NBPF11: variants seen among roughly 807,000 people sequenced by gnomAD.
NBPF11 encodes NBPF member 11, also known as NBPF family member NBPF11.
Under a neutral mutation model 93.9 loss-of-function variants are expected in NBPF11, and 72 were observed. The ratio of observed to expected loss-of-function variants is 0.77; its 90% CI spans 0.63 to 0.93. The LOEUF (loss-of-function observed/expected upper bound fraction) is 0.93, where lower values mean the gene tolerates loss of function less well. NBPF11 is among the 40% of genes least tolerant of loss of function. NBPF11 has a pLI of 0.00. For missense variants in NBPF11, 705 were observed against 802.2 expected, an observed-to-expected ratio of 0.88 and a Z score of 1.46; for synonymous variants, 224 against 304.9, an observed-to-expected ratio of 0.73 and a Z score of 2.76.
At chr1:148,105,566 A>G (rs1663351386) in intron 21 of NBPF11, 38 bp from the exon 22 acceptor site, 1 of 721,532 alleles carries the variant, frequency 1.4e-6, no homozygotes, top group Non-Finnish European at 2.5e-6. Flanking sequence ...AAGCCAGGGG[A>G]AATCACACAC....
At chr1:148,104,343 G>T (rs1333729143) in intron 23 of NBPF11, among the ~76,000 whole-genome samples, 194 bp downstream of exon 23, 1 of 146,406 alleles carries the variant, frequency 6.8e-6, no homozygotes, top group African/African-American at 2.7e-5. Flanking sequence ...GTCCACCTAT[G>T]GTACGTTAGT....
At chr1:148,136,517 G>A (rs1326746261) in intron 3 of NBPF11, among the ~76,000 whole-genome samples, 1 of 150,704 alleles carries the variant, frequency 6.6e-6, no homozygotes, top group African/African-American at 2.5e-5. Flanking sequence ...AAAACAGTGT[G>A]AGAAAAATGA....
intron 18 of NBPF11, among the ~76,000 whole-genome samples, chr1:148,108,057 C>T (rs1259900738): frequency 9.3e-5 from 14 of 149,804 alleles, no homozygotes; most frequent in African/African-American, 3.0e-4. Flanking sequence ...AGCAAATGCC[C>T]CCAAATGGTT....
chr1:148,146,686 C>T (rs1673161883), intron 1 of NBPF11: 13 of 1,611,740 alleles, frequency 8.1e-6, no homozygotes, highest in South Asian at 7.7e-5. Flanking sequence ...CCGCGGCAAC[C>T]GTGTCTCCTG....
chr1:148,124,277 C>T (rs1351476055), intron 6 of NBPF11, among the ~76,000 whole-genome samples: 17 of 151,806 alleles, frequency 1.1e-4, no homozygotes, highest in South Asian at 2.1e-4. Flanking sequence ...GCAAGATCCT[C>T]GATGATGTTC....
Position 148,105,627 on chromosome 1 carries a change from A to G in NBPF11, c.2304-99T>C. ...GGTAGCATAAGGAAGTGGTTAAAAA[A>G]GTAAAAGGATAGATCTATTAATGAG... On this transcript the variant is annotated intron_variant, in intron 21 of 23. Transcript: ENST00000682118. The G allele has an allele frequency of 2.9e-6, 2 of 697,508 alleles. 1 individual carries two copies. The highest frequency in any genetic ancestry group is 2.9e-5 in the South Asian group (2 of 68,658). 43.2% of individuals were successfully genotyped at this position (697,508 alleles called of 1,614,324 possible). A position where few individuals can be genotyped will look rare whatever the true frequency, so the allele number is the denominator to read the frequency against.
At chr1:148,137,955 CG>C (rs1671595079) in intron 2 of NBPF11, 146 bp from the exon 3 acceptor site, 2 of 146,148 alleles carry the variant, frequency 1.4e-5, no homozygotes, top group Admixed American at 1.4e-4. Flanking sequence ...AGGGGACTGG[CG>C]TTCAGCATAC....
chr1:148,142,315 A>G (rs1672325212), intron 2 of NBPF11, among the ~76,000 whole-genome samples: 1 of 151,990 alleles, frequency 6.6e-6, no homozygotes, highest in Admixed American at 6.5e-5. Context: ...TACTGTTTCC[A>G]TGGGGTACAA....
intron 4 of NBPF11, among the ~76,000 whole-genome samples, chr1:148,131,037 C>T (rs1253834443): frequency 1.3e-4 from 20 of 151,446 alleles, no homozygotes; most frequent in African/African-American, 3.9e-4. Flanking sequence ...TATCATTCCA[C>T]GTTTGGGCTA....
chr1:148,146,448 C>T lies in NBPF11; in HGVS notation c.-548-2762G>A, dbSNP rs1340039799. The T allele has an allele frequency of 1.7e-5, 28 of 1,604,288 alleles. 1 individual carries two copies. Among genetic ancestry groups the T allele is most frequent in the Middle Eastern group, 2.2e-4 (1 of 4,452 alleles). ...GCTGCCTCTTCTGCTGCCCTCCCTG[C>T]CCCGGCCGCATCGCTGCCAAGCTCG... On this transcript the variant is annotated intron_variant, in intron 1 of 23. Coordinates refer to ENST00000682118, the MANE Select transcript of NBPF11 (RefSeq NM_001385469.3).
intron 1 of NBPF11, among the ~76,000 whole-genome samples, chr1:148,145,852 C>T (rs1672910773): frequency 6.6e-6 from 1 of 151,266 alleles, no homozygotes; most frequent in Non-Finnish European, 1.5e-5. Flanking sequence ...TGCACTCCAG[C>T]CTGGGCAACA....
chr1:148,125,990 GATTT>G (rs1669019798), intron 5 of NBPF11, among the ~76,000 whole-genome samples: 2 of 151,830 alleles, frequency 1.3e-5, no homozygotes, highest in Non-Finnish European at 2.9e-5. Context: ...TTTTATTTTT[GATTT>G]ATTTATCTTT....
At chr1:148,147,071 C>T (rs1223376342) in intron 1 of NBPF11, 11 of 850,018 alleles carry the variant, frequency 1.3e-5, no homozygotes, top group South Asian at 3.5e-5. Flanking sequence ...GCCGGACAGG[C>T]GAGCTTGGGT....
chr1:148,118,632 G>C lies in NBPF11; in HGVS notation c.1079C>G (p.Ala360Gly). 6.2e-7 allele frequency: 1 copy of C among 1,612,552 alleles called. No individual in the cohort carries two copies. The highest frequency in any genetic ancestry group is 8.5e-7 in the Non-Finnish European group (1 of 1,179,734). ...GGGGTCCCCTCACCTGAGCTCCTCA[G>C]CTTGCTTCAGCTGCTCTGCAAGCTT... ...EEKLAEQLKQ[A>G]EELRQYKVLV... The change falls in exon 11 of 24, where the codon GCT becomes GGT. Residue 360 changes from alanine (A) to glycine (G), a missense_variant. Physicochemically the swap from Ala to Gly is moderately conservative, Grantham distance 60. Around this residue, in one of 12 missense-constraint regions of NBPF11, gnomAD observed 262 missense variants for 223.1 expected, o/e 1.17. Transcript: ENST00000682118.
At chr1:148,127,138 T>A in intron 4 of NBPF11, 100 bp from the exon 5 acceptor site, 1 of 434,472 alleles carries the variant, frequency 2.3e-6, no homozygotes, top group Non-Finnish European at 3.9e-6. Context: ...ATTCTTAACT[T>A]ACTGTTGTGA....
chr1:148,117,245 C>T (rs1298414698), intron 12 of NBPF11, among the ~76,000 whole-genome samples: 2 of 149,798 alleles, frequency 1.3e-5, no homozygotes, highest in South Asian at 2.1e-4. Flanking sequence ...AGCCTGGGAA[C>T]CTTCATTCTT....
chr1:148,151,403 A>G (rs1349048884), intron 1 of NBPF11, among the ~76,000 whole-genome samples: 2 of 151,954 alleles, frequency 1.3e-5, no homozygotes, highest in African/African-American at 4.8e-5. Flanking sequence ...CCCAGAAAGA[A>G]CGGCCTCGAG....
intron 1 of NBPF11, among the ~76,000 whole-genome samples, chr1:148,146,026 C>A (rs1553276749): frequency 6.6e-6 from 1 of 152,072 alleles, no homozygotes; most frequent in East Asian, 1.9e-4. Context: ...TACAAATCAA[C>A]AGAAAAGCAT....
intron 7 of NBPF11, 134 bp downstream of exon 7, chr1:148,123,719 C>T (rs1358866539): frequency 1.3e-6 from 2 of 1,587,830 alleles, no homozygotes; most frequent in East Asian, 2.2e-5. Context: ...CTCAGGAAGT[C>T]CTGATCATGT....
Sources: allele counts gnomAD v4.1 joint callset (sites outside exome capture counted in the v4.1 genomes callset), GRCh38; gene constraint gnomAD v4.1.1; regional missense constraint gnomAD v4.1.1; transcripts MANE v1.5; gene names NCBI Gene and HGNC (gene_info 2026-07-23, HGNC 2026-07-21).